Variants in DGKI observed in about 807,000 individuals in gnomAD.
DGKI encodes the protein diacylglycerol kinase iota, also known as DAG kinase iota.
Under a neutral mutation model 147.5 loss-of-function variants are expected in DGKI, and 55 were observed. The ratio of observed to expected loss-of-function variants is 0.37; its 90% CI spans 0.30 to 0.47. The LOEUF is 0.47. DGKI is among the 20% of genes least tolerant of loss of function. The pLI is 1.00. For missense variants in DGKI, 1,007 were observed against 1,323.8 expected (o/e 0.76, Z 3.71); for synonymous variants, 469 against 477.1 (o/e 0.98, Z 0.22).
intron 1 of DGKI, among the ~76,000 whole-genome samples, chr7:137,782,576 G>A (rs985380941): frequency 2.6e-5 from 4 of 152,122 alleles, no homozygotes; most frequent in Non-Finnish European, 5.9e-5. Context: ...TCCACCACCT[G>A]AGAAACCTGA....
chr7:137,662,942 G>T (rs10268052), intron 3 of DGKI, among the ~76,000 whole-genome samples: 3,523 of 152,262 alleles, frequency 0.023, 138 homozygotes, highest in African/African-American at 0.08. Flanking sequence ...ACTAGAAGTT[G>T]GGTTGGAGAC....
At chr7:137,792,706 C>A (rs1336938803) in intron 1 of DGKI, among the ~76,000 whole-genome samples, 1 of 152,116 alleles carries the variant, frequency 6.6e-6, no homozygotes, top group Admixed American at 6.5e-5. Context: ...TGGTGCCATC[C>A]CCTTGGTGAT....
At chr7:137,730,778 G>T (rs541767956) in intron 1 of DGKI, among the ~76,000 whole-genome samples, 1 of 151,952 alleles carries the variant, frequency 6.6e-6, no homozygotes, top group African/African-American at 2.4e-5. Flanking sequence ...CACTCCCCAC[G>T]TTAAAAATCC....
chr7:137,656,673 A>G (rs1822236357), intron 3 of DGKI, 133 bp from the exon 4 acceptor site: 1 of 853,634 alleles, frequency 1.2e-6, no homozygotes, highest in Non-Finnish European at 1.8e-6. Flanking sequence ...ATTACAAAGC[A>G]AATTTAAAAC....
chr7:137,414,290 T>C (rs1342461705), intron 28 of DGKI, among the ~76,000 whole-genome samples: 2 of 151,990 alleles, frequency 1.3e-5, no homozygotes, highest in Non-Finnish European at 2.9e-5. Flanking sequence ...GAGGGCTACT[T>C]GAACATCAGA....
chr7:137,697,052 C>G (rs77130168), intron 1 of DGKI, among the ~76,000 whole-genome samples: 1,669 of 152,256 alleles, frequency 0.011, 39 homozygotes, highest in African/African-American at 0.039. Flanking sequence ...CCCTCACAGC[C>G]CTCAGAGAGA....
chr7:137,829,791 C>T (rs1348703778), intron 1 of DGKI, among the ~76,000 whole-genome samples: 8 of 152,254 alleles, frequency 5.3e-5, no homozygotes, highest in Admixed American at 5.2e-4. Context: ...GGCTCTGTGT[C>T]AACTCACTGA....
intron 14 of DGKI, among the ~76,000 whole-genome samples, chr7:137,582,975 C>T (rs1819258470): frequency 6.6e-6 from 1 of 152,082 alleles, no homozygotes. Flanking sequence ...AGTGTTTTAA[C>T]CCTCAAGATT....
intron 1 of DGKI, among the ~76,000 whole-genome samples, chr7:137,758,236 C>G (rs1230461628): frequency 6.6e-6 from 1 of 152,188 alleles, no homozygotes; most frequent in Admixed American, 6.5e-5. Flanking sequence ...CTATGAGCCC[C>G]TGGGTGAGCT....
rs180987017 is a variant in DGKI at position 137,529,133 on chromosome 7, A to G, written c.2148-7167T>C. ...ATTTTCTGGAGATCTTCAAAGTCAC[A>G]TTGTAATTAAAATTTTAAAGCCTCC... On this transcript the variant is annotated intron_variant, in intron 20 of 32. Transcript: ENST00000614521. Among the ~76,000 whole-genome samples, 113 of 152,308 alleles carry G rather than the reference A, an allele frequency of 7.4e-4. No individual in the cohort carries two copies. In the East Asian group the frequency reaches 0.02, roughly 27 times the overall value.
intron 19 of DGKI, among the ~76,000 whole-genome samples, chr7:137,560,799 C>T (rs1818394417): frequency 6.6e-6 from 1 of 152,150 alleles, no homozygotes. Context: ...CTGAAAAAGA[C>T]AAGGAAACTA....
chr7:137,513,671 A>G (rs545540328), intron 21 of DGKI, among the ~76,000 whole-genome samples: 1 of 152,298 alleles, frequency 6.6e-6, no homozygotes, highest in Admixed American at 6.5e-5. Context: ...CCTAGGCTAT[A>G]CGGTATAGCC....
At chr7:137,622,430 T>C (rs575662344) in intron 7 of DGKI, among the ~76,000 whole-genome samples, 1 of 152,270 alleles carries the variant, frequency 6.6e-6, no homozygotes, top group South Asian at 2.1e-4. Flanking sequence ...GGGTTATATA[T>C]TCCAACTTAT....
intron 20 of DGKI, among the ~76,000 whole-genome samples, chr7:137,530,707 C>A (rs1015295722): frequency 6.6e-6 from 1 of 152,140 alleles, no homozygotes; most frequent in African/African-American, 2.4e-5. Context: ...CTTCATCACA[C>A]CTAATCATGT....
In DGKI at chr7:137,619,419, AC is replaced by A. The variant is rs576981940; in HGVS notation, c.993+404del. 3.3e-4 allele frequency among the ~76,000 whole-genome samples: 51 copies of A among 152,310 alleles called. No individual in the cohort carries two copies. In the East Asian group the frequency reaches 9.6e-3, roughly 29 times the overall value. ...CAGGTTGGAAGTGGCAGGAATCTTAACCAAACCATGAAGCCTGAACAGTTTG... is the reference window on the plus strand; with the variant it reads ...CAGGTTGGAAGTGGCAGGAATCTTAACAAACCATGAAGCCTGAACAGTTTG... On this transcript the variant is annotated intron_variant, in intron 8 of 32. Coordinates refer to ENST00000614521, the MANE Select transcript of DGKI (RefSeq NM_001321708.2).
intron 3 of DGKI, among the ~76,000 whole-genome samples, chr7:137,656,883 CATT>C (rs373803944): frequency 6.6e-6 from 1 of 152,134 alleles, no homozygotes; most frequent in African/African-American, 2.4e-5. Context: ...ACAATATAGG[CATT>C]ATTCTCTTCC....
intron 1 of DGKI, among the ~76,000 whole-genome samples, chr7:137,751,651 A>T (rs926687033): frequency 6.6e-6 from 1 of 152,240 alleles, no homozygotes; most frequent in Non-Finnish European, 1.5e-5. Context: ...AGACTAAATT[A>T]AACCTGAGGG....
intron 20 of DGKI, 46 bp downstream of exon 20, chr7:137,552,323 C>A: frequency 6.2e-7 from 1 of 1,605,522 alleles, no homozygotes; most frequent in South Asian, 1.1e-5. Flanking sequence ...GCACTCTCCT[C>A]TCCAAGGTCT....
chr7:137,655,094 T>C (rs537894766), intron 4 of DGKI, among the ~76,000 whole-genome samples: 4 of 152,130 alleles, frequency 2.6e-5, no homozygotes, highest in Non-Finnish European at 5.9e-5. Flanking sequence ...AGAGGAAAGA[T>C]ACTGGCAGCT....
Sources: allele counts gnomAD v4.1 joint callset (sites outside exome capture counted in the v4.1 genomes callset), GRCh38; gene constraint gnomAD v4.1.1; transcripts MANE v1.5; gene names NCBI Gene and HGNC (gene_info 2026-07-23, HGNC 2026-07-21).